Variants in RASA2 observed in about 807,000 individuals in gnomAD.
The protein encoded by RASA2 is ras GTPase-activating protein 2.
RASA2 carries 155 observed loss-of-function variants against 118.2 expected under a neutral mutation model. The ratio of observed to expected loss-of-function variants is 1.31; its 90% CI spans 1.15 to 1.50. The LOEUF (loss-of-function observed/expected upper bound fraction) is 1.50, where lower values mean the gene tolerates loss of function less well. Among genes scored for constraint, RASA2 ranks in the 40% most tolerant of loss-of-function variants. The pLI is 0.00. For synonymous variants in RASA2, 353 were observed against 349.1 expected (o/e 1.01, Z -0.12); for missense variants, 1,016 against 1,009.6 (o/e 1.01, Z -0.09).
At chr3:141,587,994 A>G (rs1465182315) in intron 19 of RASA2, among the ~76,000 whole-genome samples, 6 of 152,122 alleles carry the variant, frequency 3.9e-5, no homozygotes, top group Non-Finnish European at 4.4e-5. Flanking sequence ...TTGACTATGG[A>G]CCTATAGATC....
intron 7 of RASA2, among the ~76,000 whole-genome samples, chr3:141,556,924 A>G (rs542291234): frequency 1.4e-4 from 22 of 152,308 alleles, no homozygotes; most frequent in African/African-American, 2.2e-4. Context: ...AAAAGTACCA[A>G]TGTGAGACTT....
At chr3:141,577,368 A>G (rs1348065242) in intron 15 of RASA2, among the ~76,000 whole-genome samples, 1 of 152,078 alleles carries the variant, frequency 6.6e-6, no homozygotes, top group Non-Finnish European at 1.5e-5. Context: ...GGGATTTATT[A>G]TATTTTTTCA....
At chr3:141,570,860 A>T (rs2082906218) in intron 9 of RASA2, 52 bp from the exon 10 acceptor site, 5 of 1,524,756 alleles carry the variant, frequency 3.3e-6, no homozygotes, top group African/African-American at 1.4e-5. Flanking sequence ...AACTTGCCTC[A>T]TTGGCTTGAA....
chr3:141,598,115 A>G (rs1038771369), intron 19 of RASA2, among the ~76,000 whole-genome samples: 1 of 152,178 alleles, frequency 6.6e-6, no homozygotes, highest in Admixed American at 6.5e-5. Context: ...TCGGCCAAAC[A>G]CTTAAGGAAG....
intron 1 of RASA2, among the ~76,000 whole-genome samples, chr3:141,499,925 G>C (rs1450033843): frequency 6.6e-6 from 1 of 152,100 alleles, no homozygotes; most frequent in South Asian, 2.1e-4. Context: ...AATCGAGTGG[G>C]ATTATAGACT....
chr3:141,540,865 T>G (rs1489465514), intron 5 of RASA2, among the ~76,000 whole-genome samples: 3 of 152,118 alleles, frequency 2.0e-5, no homozygotes, highest in Non-Finnish European at 4.4e-5. Flanking sequence ...AGGATAAGGG[T>G]GTCTAACTCT....
rs1370188612 is a variant in RASA2 at position 141,572,543 on chromosome 3, GTATGT to G, written c.1170-62_1170-58del. On this transcript the variant is annotated intron_variant, in intron 11 of 23. Transcript: ENST00000286364. ...AATGCTTCTTTCTTAAATTGGTCAA[GTATGT>G]TATATTATTGGTTTCAAAACCTTTG... The G allele has an allele frequency of 1.1e-5, 12 of 1,123,120 alleles. No individual in the cohort carries two copies. In the African/African-American group the frequency reaches 1.4e-4, roughly 13 times the overall value. 69.6% of individuals were successfully genotyped at this position (1,123,120 alleles called of 1,614,324 possible).
At chr3:141,563,885 A>G (rs541445177) in intron 9 of RASA2, among the ~76,000 whole-genome samples, 50 of 152,252 alleles carry the variant, frequency 3.3e-4, no homozygotes, top group Non-Finnish European at 5.7e-4. Flanking sequence ...ATAAAATATT[A>G]TATAAAAGAG....
intron 19 of RASA2, among the ~76,000 whole-genome samples, chr3:141,599,058 A>C (rs557679351): frequency 9.2e-5 from 14 of 152,262 alleles, no homozygotes; most frequent in African/African-American, 3.1e-4. Flanking sequence ...ACTGCACTCC[A>C]GCCCCGGCGA....
chr3:141,546,540 A>G (rs2082488405), intron 5 of RASA2, among the ~76,000 whole-genome samples: 1 of 152,114 alleles, frequency 6.6e-6, no homozygotes, highest in Non-Finnish European at 1.5e-5. Flanking sequence ...TCAGATTATT[A>G]TATTCTTTTC....
chr3:141,516,306 T>C (rs2082025372), intron 2 of RASA2, 22 bp from the exon 3 acceptor site: 3 of 1,494,012 alleles, frequency 2.0e-6, no homozygotes, highest in Admixed American at 2.3e-5. Flanking sequence ...TTTGAAGTAA[T>C]GAGCTTTCCT....
intron 19 of RASA2, chr3:141,590,086 A>G (rs1487631078): frequency 4.4e-6 from 2 of 454,444 alleles, no homozygotes; most frequent in Middle Eastern, 7.1e-4. Flanking sequence ...ATTTTGATGG[A>G]TTTTTCCAAA....
intron 5 of RASA2, among the ~76,000 whole-genome samples, chr3:141,546,638 T>C (rs549209209): frequency 1.3e-5 from 2 of 152,342 alleles, no homozygotes; most frequent in Admixed American, 1.3e-4. Context: ...ATTCTGTGGG[T>C]TGTCTCTTCA....
intron 9 of RASA2, among the ~76,000 whole-genome samples, chr3:141,566,503 A>G (rs913055315): frequency 6.6e-6 from 1 of 152,242 alleles, no homozygotes; most frequent in Non-Finnish European, 1.5e-5. Context: ...TAAGAATGCT[A>G]TTACCAATTC....
rs77825330 is a variant in RASA2, at chr3:141,498,851, A to G, written c.133+11635A>G. ...TAGCCTTGCTAAGCTTCTTGTAGCT[A>G]TAGGTACCATTGGCTTAGCCCAGAA... On this transcript the variant is annotated intron_variant, in intron 1 of 23. Coordinates refer to ENST00000286364, the MANE Select transcript of RASA2 (RefSeq NM_006506.5). Among the ~76,000 whole-genome samples the G allele has an allele frequency of 1.3e-3, 205 of 152,246 alleles. 9 individuals are homozygous for G. In the East Asian group the frequency reaches 0.038, roughly 28 times the overall value.
rs937536327 is a variant in RASA2, at chr3:141,599,099, T to A, written c.1934-8579T>A. Among the ~76,000 whole-genome samples the A allele has an allele frequency of 4.6e-5, 7 of 151,814 alleles. No individual in the cohort carries two copies. The East Asian group carries it at 1.2e-3, about 25-fold the overall frequency. ...CGAGACTCTGTCTCAATAAATAAAT[T>A]AATTAAAATAAATTTAACCAAAGAA... On this transcript the variant is annotated intron_variant, in intron 19 of 23. Coordinates refer to ENST00000286364, the MANE Select transcript of RASA2 (RefSeq NM_006506.5).
intron 5 of RASA2, among the ~76,000 whole-genome samples, chr3:141,547,689 T>G (rs2082506341): frequency 6.6e-6 from 1 of 152,200 alleles, no homozygotes; most frequent in African/African-American, 2.4e-5. Context: ...TGCCTTTATT[T>G]CTATCTCTTG....
intron 19 of RASA2, among the ~76,000 whole-genome samples, chr3:141,593,700 C>A (rs191777561): frequency 6.6e-6 from 1 of 152,288 alleles, no homozygotes; most frequent in Admixed American, 6.5e-5. Flanking sequence ...GCTTAGCAAA[C>A]ACTTAAATAT....
chr3:141,528,251 A>T (rs1282409044), intron 3 of RASA2, among the ~76,000 whole-genome samples: 1 of 151,954 alleles, frequency 6.6e-6, no homozygotes, highest in Non-Finnish European at 1.5e-5. Flanking sequence ...TTGTCTTTAC[A>T]GTTTGAATTC....
Sources: gnomAD v4.1 joint callset for allele counts (sites outside exome capture counted in the v4.1 genomes callset) on GRCh38, gnomAD v4.1.1 for gene constraint, MANE v1.5 for transcripts, NCBI Gene and HGNC (gene_info 2026-07-23, HGNC 2026-07-21) for gene names.